The following GADL1 variants were observed in gnomAD, a reference collection of about 807,000 sequenced individuals.
GADL1 encodes acidic amino acid decarboxylase GADL1.
In GADL1, 71 loss-of-function variants were observed where a neutral mutation model predicts 69.5. The observed-to-expected ratio is 1.02, with a 90% CI of 0.84 to 1.25. The LOEUF (loss-of-function observed/expected upper bound fraction) is 1.25. Among genes scored for constraint, GADL1 ranks in the 50% most tolerant of loss-of-function variants. The pLI is 0.00. For synonymous variants in GADL1, 254 were observed against 214.4 expected (o/e 1.18, Z -1.62); for missense variants, 737 against 631.8 (o/e 1.17, Z -1.79).
Position 30,861,736 on chromosome 3 carries a change from T to C in GADL1, c.67A>G (p.Ser23Gly), listed in dbSNP as rs1698324200. The change falls in exon 2 of 15, where the codon AGT becomes GGT. Residue 23 changes from serine (S) to glycine (G), a missense_variant. Physicochemically the swap from Ser to Gly is moderately conservative, Grantham distance 56. Transcript: ENST00000282538. ...GDIDQQEMIP[S>G]KKNAVLVDGV... ...TCCACAAGAACAGCATTCTTCTTAC[T>C]TGGAATCATCTCTTGTTGATCAATA... The C allele has an allele frequency of 1.3e-6, 2 of 1,547,448 alleles. No individual in the cohort carries two copies. Among genetic ancestry groups the C allele is most frequent in the Non-Finnish European group, 1.7e-6 (2 of 1,145,036 alleles).
intron 1 of GADL1, among the ~76,000 whole-genome samples, chr3:30,870,779 A>AT (rs1698469007): frequency 6.6e-6 from 1 of 151,538 alleles, no homozygotes; most frequent in South Asian, 2.1e-4. Context: ...TTGCGGATAG[A>AT]TTGGATGTAG....
chr3:30,844,032 G>GGAA (rs1327984570), intron 8 of GADL1, among the ~76,000 whole-genome samples, 178 bp downstream of exon 8: 4 of 152,222 alleles, frequency 2.6e-5, no homozygotes, highest in Non-Finnish European at 4.4e-5. Flanking sequence ...CTTGGAAATA[G>GGAA]AACATCTGTA....
chr3:30,756,700 C>T (rs75336392), intron 14 of GADL1, among the ~76,000 whole-genome samples: 2,350 of 152,214 alleles, frequency 0.015, 58 homozygotes, highest in African/African-American at 0.053. Flanking sequence ...AGAGATCATG[C>T]GGAGGAGAGT....
chr3:30,879,368 T>A (rs149609467), intron 1 of GADL1, among the ~76,000 whole-genome samples: 80 of 151,924 alleles, frequency 5.3e-4, no homozygotes, highest in African/African-American at 1.8e-3. Flanking sequence ...GGACCAAGGG[T>A]ACTCAATTAA....
rs1413133351 is a variant in GADL1, at chr3:30,859,318, T to C, written c.211-2177A>G. Among the ~76,000 whole-genome samples the C allele has an allele frequency of 3.3e-5, 5 of 151,836 alleles. No homozygotes were observed. The East Asian group carries it at 9.8e-4, about 30-fold the overall frequency. ...TATAACCATGACAGGCAGAGGTAAA[T>C]TGGAAATGCCTGAGACAATCAAAAG... On this transcript the variant is annotated intron_variant, in intron 2 of 14. Coordinates refer to ENST00000282538, the MANE Select transcript of GADL1 (RefSeq NM_207359.3).
intron 14 of GADL1, among the ~76,000 whole-genome samples, chr3:30,730,861 G>T (rs1208006141): frequency 6.6e-6 from 1 of 152,174 alleles, no homozygotes; most frequent in East Asian, 1.9e-4. Context: ...AAGCATGTGT[G>T]TGTGTGTGTG....
intron 14 of GADL1, among the ~76,000 whole-genome samples, chr3:30,733,625 C>CTTCT (rs1695499800): frequency 1.3e-5 from 2 of 149,624 alleles, no homozygotes; most frequent in East Asian, 1.9e-4. Flanking sequence ...TCCTTCCTTC[C>CTTCT]TTCCTTCCTT....
chr3:30,771,805 TTGTGAACATG>T (rs1428165984), intron 14 of GADL1, among the ~76,000 whole-genome samples: 17 of 152,196 alleles, frequency 1.1e-4, no homozygotes, highest in Non-Finnish European at 4.4e-5. Context: ...TTCAATTAAT[TTGTGAACATG>T]TGTGCATGTG....
chr3:30,817,218 T>C (rs1263368081), intron 11 of GADL1, among the ~76,000 whole-genome samples: 1 of 152,196 alleles, frequency 6.6e-6, no homozygotes, highest in African/African-American at 2.4e-5. Context: ...TTTCTCAAAA[T>C]TGTCTAAAGC....
At chr3:30,840,446 A>T (rs11706146) in intron 8 of GADL1, among the ~76,000 whole-genome samples, 20,259 of 152,200 alleles carry the variant, frequency 0.13, 1,642 homozygotes, top group South Asian at 0.23. Context: ...TCAGTAGGTG[A>T]CAGAGCCCTG....
intron 11 of GADL1, among the ~76,000 whole-genome samples, chr3:30,803,642 A>G (rs1001136188): frequency 1.7e-4 from 26 of 152,264 alleles, no homozygotes; most frequent in African/African-American, 6.0e-4. Context: ...CAATAGTGAC[A>G]GTTAATTTTA....
Position 30,786,384 on chromosome 3 carries a change from T to C in GADL1, c.1273A>G (p.Lys425Glu). The C allele has an allele frequency of 1.3e-6, 2 of 1,544,278 alleles. No individual in the cohort carries two copies. Among genetic ancestry groups the C allele is most frequent in the Non-Finnish European group, 1.8e-6 (2 of 1,118,114 alleles). ...LSRYLVDEIK[K>E]REGFKLLMEP... is the part of the protein sequence containing the mutation. Reference sequence around the variant, plus strand: ...ATCAGTAACTTGAATCCTTCTCTTTTCTTGATTTCATCTACTAGGTACCTA... The same window carrying C: ...ATCAGTAACTTGAATCCTTCTCTTTCCTTGATTTCATCTACTAGGTACCTA... The change falls in exon 13 of 15, where the codon AAA becomes GAA. Residue 425 changes from lysine (K) to glutamate (E), a missense_variant. Transcript: ENST00000282538.
intron 12 of GADL1, chr3:30,798,146 G>T (rs980533971): frequency 6.6e-6 from 1 of 152,212 alleles, no homozygotes; most frequent in African/African-American, 2.4e-5. Context: ...TTGCTTTTCA[G>T]GTCCTTAATG....
At position 30,727,296 on chromosome 3, in the gene GADL1, A is replaced by G. The variant is rs1276826324; in HGVS notation, c.*946T>C. 1 of 150,904 alleles carries G rather than the reference A, an allele frequency of 6.6e-6. No homozygotes were observed. The highest frequency in any genetic ancestry group is 1.5e-5 in the Non-Finnish European group (1 of 67,780). The allele number at this position is 150,904 out of a possible 1,614,324, so 9.3% of individuals were successfully genotyped here. A position where few individuals can be genotyped will look rare whatever the true frequency, so the allele number is the denominator to read the frequency against. On this transcript the variant is annotated 3_prime_UTR_variant, in exon 15 of 15. Coordinates refer to ENST00000282538, the MANE Select transcript of GADL1 (RefSeq NM_207359.3). ...CCAAGAAAAAACTAATATGGATATT[A>G]CATGCATTTCTATTTTGAAGACCAA...
At chr3:30,785,969 A>G (rs1696780117) in intron 13 of GADL1, among the ~76,000 whole-genome samples, 1 of 152,156 alleles carries the variant, frequency 6.6e-6, no homozygotes, top group South Asian at 2.1e-4. Context: ...ATTATTTTAT[A>G]AAAAGAGAAA....
At chr3:30,796,701 G>A (rs1372964859) in intron 12 of GADL1, among the ~76,000 whole-genome samples, 27 of 152,110 alleles carry the variant, frequency 1.8e-4, no homozygotes, top group Non-Finnish European at 1.6e-4. Context: ...GAGAGACTGA[G>A]GACTGCTGAT....
At chr3:30,869,434 AAG>A (rs1698449457) in intron 1 of GADL1, among the ~76,000 whole-genome samples, 1 of 151,856 alleles carries the variant, frequency 6.6e-6, no homozygotes, top group African/African-American at 2.4e-5. Context: ...GTGAGAACAG[AAG>A]CTCTGAAGCT....
intron 12 of GADL1, among the ~76,000 whole-genome samples, chr3:30,797,409 GTAAA>G (rs1353006856): frequency 2.0e-5 from 3 of 152,162 alleles, no homozygotes; most frequent in South Asian, 4.1e-4. Flanking sequence ...AAGCAGTTAA[GTAAA>G]TAATAACTAA....
intron 1 of GADL1, among the ~76,000 whole-genome samples, chr3:30,886,009 C>T (rs73065056): frequency 0.16 from 24,356 of 151,876 alleles, 2,366 homozygotes; most frequent in Admixed American, 0.3. Context: ...ATAAAGAGAT[C>T]AAAAACAGAT....
Sources: allele counts gnomAD v4.1 joint callset (sites outside exome capture counted in the v4.1 genomes callset), GRCh38; gene constraint gnomAD v4.1.1; transcripts MANE v1.5; gene names NCBI Gene and HGNC (gene_info 2026-07-23, HGNC 2026-07-21).